The following MTHFD1L variants were observed in gnomAD, a reference collection of about 807,000 sequenced individuals.
MTHFD1L encodes methylenetetrahydrofolate dehydrogenase (NADP+ dependent) 1 like.
In MTHFD1L, 81 loss-of-function variants were observed where a neutral mutation model predicts 119.5. The ratio of observed to expected loss-of-function variants is 0.68; its 90% CI spans 0.57 to 0.82. The LOEUF is 0.82. Among genes scored for constraint, MTHFD1L ranks in the 40% least tolerant of loss-of-function variants. The pLI is 0.00. For missense variants in MTHFD1L, 1,125 were observed against 1,253.4 expected, an observed-to-expected ratio of 0.90 and a Z score of 1.55; for synonymous variants, 430 against 475.2, an observed-to-expected ratio of 0.90 and a Z score of 1.24.
At chr6:150,945,579 T>C (rs749101981) in intron 15 of MTHFD1L, 38 bp downstream of exon 15, 1 of 1,574,394 alleles carries the variant, frequency 6.4e-7, no homozygotes, top group Admixed American at 1.7e-5. Flanking sequence ...AAAGAAAATA[T>C]CGTAGAAACG....
At chr6:151,070,430 G>A (rs956028807) in intron 26 of MTHFD1L, among the ~76,000 whole-genome samples, 2 of 152,158 alleles carry the variant, frequency 1.3e-5, no homozygotes, top group African/African-American at 2.4e-5. Context: ...GCACTTTACT[G>A]TTTAGTTTTT....
At chr6:150,895,062 G>T (rs1783992270) in intron 7 of MTHFD1L, among the ~76,000 whole-genome samples, 1 of 152,174 alleles carries the variant, frequency 6.6e-6, no homozygotes, top group Admixed American at 6.5e-5. Flanking sequence ...GGAAGCCAAG[G>T]CACTGGAGCT....
intron 20 of MTHFD1L, among the ~76,000 whole-genome samples, chr6:150,994,915 C>T (rs1038446762): frequency 1.3e-5 from 2 of 152,114 alleles, no homozygotes; most frequent in African/African-American, 2.4e-5. Flanking sequence ...AACCTTTCTC[C>T]GAGATTTGCA....
chr6:151,037,225 G>C, intron 26 of MTHFD1L, 108 bp downstream of exon 26: 1 of 1,210,378 alleles, frequency 8.3e-7, no homozygotes, highest in South Asian at 1.4e-5. Flanking sequence ...GGGAAAATTG[G>C]GAGTAATTAA....
intron 11 of MTHFD1L, among the ~76,000 whole-genome samples, chr6:150,931,268 C>CTTTTTTTTT (rs370763551): frequency 1.6e-5 from 2 of 123,716 alleles, no homozygotes; most frequent in East Asian, 2.9e-4. Flanking sequence ...ATCATTTCAT[C>CTTTTTTTTT]TTTTTTTTTT....
At chr6:151,009,128 A>C (rs1781847563) in intron 20 of MTHFD1L, among the ~76,000 whole-genome samples, 1 of 150,806 alleles carries the variant, frequency 6.6e-6, no homozygotes, top group Non-Finnish European at 1.5e-5. Flanking sequence ...ATCTCAAAAA[A>C]AAAAAAAAAA....
At position 150,866,044 on chromosome 6, in the gene MTHFD1L, C is replaced by T. The variant is rs1778235565; in HGVS notation, c.222C>T (p.Ile74=). ...GGRTPAARDS[I]VREVIQNSKE... is the part of the protein sequence containing the mutation. ...GAACGCCCGCGGCGCGGGACTCCAT[C>T]GTCAGGTGAGTGTCGGGTCTGGCCC... is the stretch of plus-strand genomic sequence containing the variant. The change falls in exon 1 of 28, where the codon ATC becomes ATT. Residue 74 remains isoleucine (I), a synonymous_variant. Coordinates refer to ENST00000367321, the MANE Select transcript of MTHFD1L (RefSeq NM_015440.5). 2.7e-6 allele frequency: 4 copies of T among 1,464,232 alleles called. No individual in the cohort carries two copies. Among genetic ancestry groups the T allele is most frequent in the Admixed American group, 2.5e-5 (1 of 39,974 alleles). The allele number at this position is 1,464,232 out of a possible 1,614,324, so 90.7% of individuals were successfully genotyped here.
intron 26 of MTHFD1L, among the ~76,000 whole-genome samples, chr6:151,062,930 T>C (rs973566425): frequency 6.6e-6 from 1 of 152,086 alleles, no homozygotes; most frequent in African/African-American, 2.4e-5. Flanking sequence ...ATATACCTAA[T>C]GTAAATGTCG....
intron 26 of MTHFD1L, among the ~76,000 whole-genome samples, chr6:151,063,700 T>C (rs538855019): frequency 9.8e-5 from 15 of 152,344 alleles, no homozygotes; most frequent in Middle Eastern, 3.4e-3. Flanking sequence ...TTCCATCTGA[T>C]ACTGTTGCAA....
chr6:150,903,203 A>ATTCTTTTTTTT lies in MTHFD1L; in HGVS notation c.781-2445_781-2444insCTTTTTTTTTT, dbSNP rs1562348409. Among the ~76,000 whole-genome samples the ATTCTTTTTTTT allele has an allele frequency of 7.0e-5, 6 of 85,476 alleles. 1 individual carries two copies. Among genetic ancestry groups the ATTCTTTTTTTT allele is most frequent in the Admixed American group, 3.0e-4 (2 of 6,590 alleles). The allele number at this position is 85,476 out of a possible 152,430, so 56.1% of individuals were successfully genotyped here. A position where few individuals can be genotyped will look rare whatever the true frequency, so the allele number is the denominator to read the frequency against. ...GATTGCTGGTGATATTGGCTGCAAA[A>ATTCTTTTTTTT]TTTTTTTTTTTTTTTTTTTTTTTTT... On this transcript the variant is annotated intron_variant, in intron 7 of 27. Transcript: ENST00000367321.
At chr6:150,998,632 G>T (rs528207383) in intron 20 of MTHFD1L, among the ~76,000 whole-genome samples, 57 of 148,716 alleles carry the variant, frequency 3.8e-4, no homozygotes, top group Middle Eastern at 3.4e-3. Context: ...CGTGTGGCGG[G>T]TTGCAGTCAG....
At position 150,866,829 on chromosome 6, in the gene MTHFD1L, C is replaced by G. The variant is rs375432710; in HGVS notation, c.227+780C>G. The stretch of plus-strand genomic sequence containing the variant: ...GTCCCCGCCCCTGGGCTCCAGCCTT[C>G]CCCGCCCTCGCCCAGAGGGGCGCAC... On this transcript the variant is annotated intron_variant, in intron 1 of 27. Transcript: ENST00000367321. Among the ~76,000 whole-genome samples the G allele has an allele frequency of 2.8e-4, 42 of 152,284 alleles. No homozygotes were observed. The East Asian group carries it at 6.4e-3, about 23-fold the overall frequency.
At chr6:151,052,465 G>A (rs1035076355) in intron 26 of MTHFD1L, among the ~76,000 whole-genome samples, 3 of 152,158 alleles carry the variant, frequency 2.0e-5, no homozygotes, top group Admixed American at 6.5e-5. Flanking sequence ...GATGCCAAGG[G>A]ATACAGAAGA....
At chr6:150,866,366 C>T (rs1057360301) in intron 1 of MTHFD1L, 2 of 1,409,254 alleles carry the variant, frequency 1.4e-6, no homozygotes, top group Non-Finnish European at 9.2e-7. Flanking sequence ...CTGATGCAAT[C>T]GCGCCGGGCG....
intron 1 of MTHFD1L, among the ~76,000 whole-genome samples, chr6:150,867,923 G>T (rs1200657604): frequency 6.7e-6 from 1 of 148,860 alleles, no homozygotes; most frequent in African/African-American, 2.5e-5. Flanking sequence ...TCAGCCTCCC[G>T]AGTAGCTGGG....
At chr6:150,921,479 T>C (rs1416076995) in intron 9 of MTHFD1L, among the ~76,000 whole-genome samples, 1 of 152,226 alleles carries the variant, frequency 6.6e-6, no homozygotes, top group African/African-American at 2.4e-5. Context: ...CTTGAATTCC[T>C]GACCTCAAGT....
intron 26 of MTHFD1L, among the ~76,000 whole-genome samples, chr6:151,091,548 G>C (rs1280421417): frequency 6.6e-6 from 1 of 152,086 alleles, no homozygotes; most frequent in Non-Finnish European, 1.5e-5. Context: ...TTTTCATCCT[G>C]TCTCCACCAC....
intron 15 of MTHFD1L, among the ~76,000 whole-genome samples, chr6:150,946,039 T>C (rs1793887662): frequency 6.6e-6 from 1 of 152,234 alleles, no homozygotes. Context: ...GAATTTTTGG[T>C]GAGTCCTTCT....
At chr6:150,899,374 A>G (rs939855013) in intron 7 of MTHFD1L, among the ~76,000 whole-genome samples, 1 of 152,164 alleles carries the variant, frequency 6.6e-6, no homozygotes, top group Admixed American at 6.6e-5. Context: ...AAAGAAACAC[A>G]CCCAATTCCT....
Sources: gnomAD v4.1 joint callset for allele counts (sites outside exome capture counted in the v4.1 genomes callset) on GRCh38, gnomAD v4.1.1 for gene constraint, MANE v1.5 for transcripts, NCBI Gene and HGNC (gene_info 2026-07-23, HGNC 2026-07-21) for gene names.